The following POC1A variants were observed in gnomAD, a reference collection of about 807,000 sequenced individuals.
POC1A encodes POC1 centriolar protein A.
In POC1A, 34 loss-of-function variants were observed where a neutral mutation model predicts 47.8. That is an observed-to-expected ratio of 0.71 (90% confidence interval 0.54 to 0.95). POC1A has a LOEUF of 0.95. Among genes scored for constraint, POC1A ranks in the 40% least tolerant of loss-of-function variants. The probability of loss-of-function intolerance (pLI) is 0.00; values close to 1 mark genes in which losing one functional copy is unlikely to be tolerated. For missense variants in POC1A, 466 were observed against 528.3 expected (o/e 0.88, Z 1.16); for synonymous variants, 177 against 207.6 (o/e 0.85, Z 1.27).
At chr3:52,103,414 T>C (rs1279410408) in intron 9 of POC1A, among the ~76,000 whole-genome samples, 1 of 152,146 alleles carries the variant, frequency 6.6e-6, no homozygotes, top group East Asian at 1.9e-4. Context: ...TAATCCCACC[T>C]ATTAGGGAGG....
intron 10 of POC1A, 143 bp downstream of exon 10, chr3:52,096,426 A>G (rs1702816281): frequency 1.4e-6 from 1 of 723,350 alleles, no homozygotes; most frequent in Non-Finnish European, 2.2e-6. Flanking sequence ...AAGGCTCTGC[A>G]ATGTCATTAA....
At chr3:52,122,291 C>T in intron 9 of POC1A, 88 bp downstream of exon 9, 1 of 752,072 alleles carries the variant, frequency 1.3e-6, no homozygotes, top group Non-Finnish European at 2.4e-6. Flanking sequence ...TAAACCTCCT[C>T]CCTCACCGTC....
chr3:52,093,142 C>T (rs1393692998), intron 10 of POC1A, among the ~76,000 whole-genome samples: 1 of 152,218 alleles, frequency 6.6e-6, no homozygotes, highest in Non-Finnish European at 1.5e-5. Flanking sequence ...GCTTCTGTTA[C>T]CCCACACCAG....
intron 10 of POC1A, among the ~76,000 whole-genome samples, chr3:52,094,755 T>C (rs1702756166): frequency 6.6e-6 from 1 of 152,202 alleles, no homozygotes; most frequent in African/African-American, 2.4e-5. Flanking sequence ...TGGCTGATAT[T>C]GTTGGCATCT....
intron 7 of POC1A, among the ~76,000 whole-genome samples, chr3:52,134,981 C>T (rs937858213): frequency 7.9e-5 from 12 of 152,190 alleles, no homozygotes; most frequent in Non-Finnish European, 1.5e-4. Context: ...ACATCGCCAC[C>T]TCCCAGAACA....
At chr3:52,127,818 C>T (rs975593066) in intron 7 of POC1A, among the ~76,000 whole-genome samples, 5 of 151,958 alleles carry the variant, frequency 3.3e-5, no homozygotes, top group Admixed American at 2.6e-4. Flanking sequence ...GCCTCAGCCT[C>T]CCAAGTAGCT....
At chr3:52,078,944 G>C (rs567832243) in intron 10 of POC1A, among the ~76,000 whole-genome samples, 1 of 152,348 alleles carries the variant, frequency 6.6e-6, no homozygotes, top group East Asian at 1.9e-4. Flanking sequence ...CAGGCAGGAG[G>C]GCTGGCAGGC....
Position 52,154,364 on chromosome 3 carries a change from C to G in POC1A, c.9G>C (p.Ala3=), listed in dbSNP as rs772018065. Residue 3 remains alanine, a synonymous_variant, in exon 1 of 11, where the codon GCG becomes GCC. Coordinates refer to ENST00000296484, the MANE Select transcript of POC1A (RefSeq NM_015426.5). ...TCTCGGCTGGGCTTACCGCGCAGGG[C>G]GCAGCCATGGCGGGGCTGGCGGCGC... MA[A]PCAEDPSLER... is the part of the protein sequence containing the mutation. 1.8e-4 allele frequency: 278 copies of G among 1,529,622 alleles called. 1 individual carries two copies. Among genetic ancestry groups the G allele is most frequent in the Non-Finnish European group, 2.7e-5 (31 of 1,145,670 alleles). 94.8% of individuals were successfully genotyped at this position (1,529,622 alleles called of 1,614,324 possible). A position where few individuals can be genotyped will look rare whatever the true frequency, so the allele number is the denominator to read the frequency against.
Position 52,079,759 on chromosome 3 carries a change from G to A in POC1A, c.1126-3774C>T, listed in dbSNP as rs1410243022. On this transcript the variant is annotated intron_variant, in intron 10 of 10. Coordinates refer to ENST00000296484, the MANE Select transcript of POC1A (RefSeq NM_015426.5). This position sits in a 1 kb window ranked among gnomAD's most constrained non-coding sequence, Gnocchi z 4.6. ...GGAGTCCAGGGCTCTGGCTGCTAGA[G>A]GGGCAGCCTGGGCAAAGTGGCCAGG... is the stretch of plus-strand genomic sequence containing the variant. Among the ~76,000 whole-genome samples the A allele has an allele frequency of 6.6e-6, 1 of 152,194 alleles. No individual in the cohort carries two copies. Among genetic ancestry groups the A allele is most frequent in the Non-Finnish European group, 1.5e-5 (1 of 68,030 alleles).
At chr3:52,139,541 G>A (rs1382381726) in intron 6 of POC1A, among the ~76,000 whole-genome samples, 2 of 152,136 alleles carry the variant, frequency 1.3e-5, no homozygotes, top group East Asian at 3.8e-4. Context: ...ACTGGAAGCT[G>A]CCTTCTCCAG....
intron 7 of POC1A, among the ~76,000 whole-genome samples, chr3:52,135,934 C>T (rs1277844151): frequency 6.6e-6 from 1 of 152,110 alleles, no homozygotes; most frequent in African/African-American, 2.4e-5. Flanking sequence ...CTTGCCACCA[C>T]CAGTTGGAGT....
chr3:52,100,332 C>T (rs1442849480), intron 9 of POC1A, among the ~76,000 whole-genome samples: 1 of 152,196 alleles, frequency 6.6e-6, no homozygotes, highest in Non-Finnish European at 1.5e-5. Flanking sequence ...CTGAATTGAC[C>T]GTGATCTCCC....
rs553909033 is a variant in POC1A at position 52,079,599 on chromosome 3, C to T, written c.1126-3614G>A. Among the ~76,000 whole-genome samples the T allele has an allele frequency of 6.6e-6, 1 of 152,342 alleles. No individual in the cohort carries two copies. The highest frequency in any genetic ancestry group is 1.9e-4 in the East Asian group (1 of 5,190). On this transcript the variant is annotated intron_variant, in intron 10 of 10. Transcript: ENST00000296484. The surrounding 1 kb of genome is among the most constrained non-coding windows in gnomAD (Gnocchi z 4.6). Reference sequence around the variant, plus strand: ...CAGGGGCCAGAGGTCTGGTCCTAGCCCCTCAGAAGGTCCCCAAAGAGGTAC... The same window carrying T: ...CAGGGGCCAGAGGTCTGGTCCTAGCTCCTCAGAAGGTCCCCAAAGAGGTAC...
At chr3:52,110,042 CTTCT>C (rs1414155166) in intron 9 of POC1A, among the ~76,000 whole-genome samples, 3 of 152,292 alleles carry the variant, frequency 2.0e-5, no homozygotes, top group East Asian at 1.9e-4. Flanking sequence ...AGGTAGCTTC[CTTCT>C]TTTAGTCTGA....
intron 10 of POC1A, among the ~76,000 whole-genome samples, chr3:52,089,685 C>T (rs1702582294): frequency 6.6e-6 from 1 of 152,210 alleles, no homozygotes; most frequent in South Asian, 2.1e-4. Flanking sequence ...TGGGAAGACG[C>T]ACTGGGTGAC....
At chr3:52,149,795 T>C (rs771781909) in intron 3 of POC1A, 21 bp downstream of exon 3, 1 of 1,605,172 alleles carries the variant, frequency 6.2e-7, no homozygotes, top group Non-Finnish European at 8.5e-7. Flanking sequence ...CCAACAAGCC[T>C]CCTCAAAGTG....
chr3:52,092,968 C>T (rs2106960874), intron 10 of POC1A, among the ~76,000 whole-genome samples: 1 of 152,308 alleles, frequency 6.6e-6, no homozygotes, highest in South Asian at 2.1e-4. Flanking sequence ...AGCCAAAGTG[C>T]TGTTTGTCTC....
chr3:52,091,377 T>C (rs12493204), intron 10 of POC1A, among the ~76,000 whole-genome samples: 14,141 of 152,230 alleles, frequency 0.093, 1,331 homozygotes, highest in East Asian at 0.36. Flanking sequence ...TGTTAGGAAA[T>C]ACATGTTCCC....
intron 3 of POC1A, 142 bp from the exon 4 acceptor site, chr3:52,149,531 C>CAGAG (rs1698483091): frequency 1.4e-6 from 1 of 728,880 alleles, no homozygotes; most frequent in Admixed American, 2.6e-5. Context: ...AAGGGAAAGC[C>CAGAG]AGAGCCTCTC....
Sources: allele counts gnomAD v4.1 joint callset (sites outside exome capture counted in the v4.1 genomes callset), GRCh38; gene constraint gnomAD v4.1.1; non-coding constraint Gnocchi (gnomAD v3.1); transcripts MANE v1.5; gene names NCBI Gene and HGNC (gene_info 2026-07-23, HGNC 2026-07-21).